Variants in ECSCR observed in about 807,000 individuals in gnomAD.
The protein encoded by ECSCR is endothelial cell surface expressed chemotaxis and apoptosis regulator.
In ECSCR, 12 loss-of-function variants were observed where a neutral mutation model predicts 16.7. The observed-to-expected ratio is 0.72, with a 90% confidence interval of 0.46 to 1.17. The LOEUF is 1.17. ECSCR is among the 50% of genes most tolerant of loss of function. The pLI is 0.00. For synonymous variants in ECSCR, 44 were observed against 42.2 expected, an observed-to-expected ratio of 1.04 and a Z score of -0.17; for missense variants, 122 against 116.1, an observed-to-expected ratio of 1.05 and a Z score of -0.23.
At chr5:139,462,244 G>A (rs765232773) in intron 1 of ECSCR, among the ~76,000 whole-genome samples, 6 of 152,148 alleles carry the variant, frequency 3.9e-5, no homozygotes, top group Non-Finnish European at 8.8e-5. Context: ...GAGAGTGGCC[G>A]TCGTCAGCCC....
At chr5:139,460,488 A>T (rs999254886) in intron 1 of ECSCR, among the ~76,000 whole-genome samples, 2 of 152,140 alleles carry the variant, frequency 1.3e-5, no homozygotes, top group African/African-American at 2.4e-5. Flanking sequence ...GTGGGAAGGT[A>T]CAGGGAAGGC....
chr5:139,449,003 C>T, intron 9 of ECSCR, 75 bp downstream of exon 9: 1 of 1,533,544 alleles, frequency 6.5e-7, no homozygotes, highest in Non-Finnish European at 8.7e-7. Context: ...AAAGTATCTC[C>T]TTTCTGGCCT....
intron 1 of ECSCR, 101 bp downstream of exon 1, chr5:139,462,509 C>A: frequency 2.4e-6 from 3 of 1,230,884 alleles, no homozygotes; most frequent in Non-Finnish European, 3.5e-6. Flanking sequence ...CTGGGCACAG[C>A]CCCTGGATGG....
rs561018838 is a variant in ECSCR, at chr5:139,448,630, C to T, written c.*270G>A. 8.7e-5 allele frequency: 83 copies of T among 952,304 alleles called. No homozygotes were observed. The highest frequency in any genetic ancestry group is 1.6e-5 in the Non-Finnish European group (11 of 690,740). 59.0% of individuals were successfully genotyped at this position (952,304 alleles called of 1,614,324 possible). On this transcript the variant is annotated 3_prime_UTR_variant, in exon 10 of 10. Coordinates refer to ENST00000618155, the MANE Select transcript of ECSCR (RefSeq NM_001077693.4). ...CACCTCATCACTTTCCTTGCTCTCT[C>T]TCTGTCACCTCCTCTTTCCTGTGGC...
intron 9 of ECSCR, 78 bp downstream of exon 9, chr5:139,449,000 C>T (rs1180125961): frequency 6.5e-7 from 1 of 1,533,462 alleles, no homozygotes; most frequent in East Asian, 2.4e-5. Flanking sequence ...TTGAAAGTAT[C>T]TCCTTTCTGG....
At chr5:139,455,840 AAG>A (rs1397702466) in intron 5 of ECSCR, among the ~76,000 whole-genome samples, 4 of 150,130 alleles carry the variant, frequency 2.7e-5, no homozygotes, top group African/African-American at 9.8e-5. Context: ...AAAAAAAAAA[AAG>A]ACCGGGCACG....
rs1016966896 is a variant in ECSCR, at chr5:139,458,813, T to G, written c.62-630A>C. On this transcript the variant is annotated intron_variant, in intron 1 of 9. Coordinates refer to ENST00000618155, the MANE Select transcript of ECSCR (RefSeq NM_001077693.4). ...GTGAGCTGAGATCATGCCATTGCAC[T>G]CCAGCCTGGGAGACAAAGTGAGACT... Among the ~76,000 whole-genome samples the G allele has an allele frequency of 7.5e-5, 11 of 146,250 alleles. No individual in the cohort carries two copies. In the South Asian group the frequency reaches 2.4e-3, roughly 31 times the overall value.
intron 1 of ECSCR, 60 bp from the exon 2 acceptor site, chr5:139,458,243 AAGG>A: frequency 6.7e-7 from 1 of 1,503,704 alleles, no homozygotes; most frequent in Non-Finnish European, 9.0e-7. Flanking sequence ...AGAGCCTAGA[AAGG>A]AACCCTTAGA....
intron 8 of ECSCR, 65 bp from the exon 9 acceptor site, chr5:139,449,239 C>T (rs1033629494): frequency 8.2e-7 from 1 of 1,223,904 alleles, no homozygotes; most frequent in Admixed American, 2.0e-5. Flanking sequence ...AGTCAAGGAA[C>T]TGTGAGGTTG....
chr5:139,457,886 T>C, intron 2 of ECSCR, 79 bp from the exon 3 acceptor site: 1 of 1,472,758 alleles, frequency 6.8e-7, no homozygotes, highest in African/African-American at 1.4e-5. Context: ...TAGATCTGTG[T>C]GTCTTTCTCC....
At position 139,457,576 on chromosome 5, in the gene ECSCR, C is replaced by G; in HGVS notation, c.186G>C (p.Arg62Ser). The G allele has an allele frequency of 1.2e-6, 1 of 807,686 alleles. No homozygotes were observed. Among genetic ancestry groups the G allele is most frequent in the Non-Finnish European group, 2.3e-6 (1 of 442,664 alleles). The allele number at this position is 807,686 out of a possible 1,614,324, so 50.0% of individuals were successfully genotyped here. A position where few individuals can be genotyped will look rare whatever the true frequency, so the allele number is the denominator to read the frequency against. ...PGYIPSSEAN[R>S]PSHLSSTGTP... ...TACCAGTGCTGGACAGATGGCTTGG[C>G]CTGTTAGCCTCTGAGGAAGGGATGT... The change falls in exon 4 of 10, where the codon AGG becomes AGC. Residue 62 changes from arginine to serine, a missense_variant. By Grantham distance (110) the Arg-to-Ser change is moderately radical. Coordinates refer to ENST00000618155, the MANE Select transcript of ECSCR (RefSeq NM_001077693.4).
rs561195288 is a variant in ECSCR, at chr5:139,449,882, C to T, written c.513-708G>A. Among the ~76,000 whole-genome samples the T allele has an allele frequency of 9.2e-5, 14 of 151,618 alleles. No homozygotes were observed. The South Asian group carries it at 2.1e-3, about 23-fold the overall frequency. ...GATTACAGGTGTGAGCCATCGCATC[C>T]GCTAAAGCCTCAATTTTTTTTTTTT... On this transcript the variant is annotated intron_variant, in intron 8 of 9. Coordinates refer to ENST00000618155, the MANE Select transcript of ECSCR (RefSeq NM_001077693.4).
At chr5:139,458,039 C>G in intron 2 of ECSCR, 100 bp downstream of exon 2, 1 of 1,359,594 alleles carries the variant, frequency 7.4e-7, no homozygotes, top group South Asian at 1.3e-5. Flanking sequence ...GCTGCGGCCC[C>G]AGCCCCCTGA....
chr5:139,459,166 A>G (rs570180643), intron 1 of ECSCR, among the ~76,000 whole-genome samples: 2 of 152,338 alleles, frequency 1.3e-5, no homozygotes, highest in Admixed American at 1.3e-4. Context: ...GGAAGGGCCC[A>G]GGACTCCAGG....
In ECSCR at chr5:139,448,911, G is replaced by T; in HGVS notation, c.610-3C>A. The T allele has an allele frequency of 6.5e-7, 1 of 1,537,216 alleles. No homozygotes were observed. Among genetic ancestry groups the T allele is most frequent in the South Asian group, 1.2e-5 (1 of 84,056 alleles). ...ACCCAAAGTTGCTTTTAAAGAACCT[G>T]CAAAATAAATGCATAATGGGGAAGG... On this transcript the variant is annotated splice_polypyrimidine_tract_variant and splice_region_variant and intron_variant, in intron 9 of 9. Coordinates refer to ENST00000618155, the MANE Select transcript of ECSCR (RefSeq NM_001077693.4).
In ECSCR at chr5:139,455,439, A is replaced by G; in HGVS notation, c.263-3T>C. The stretch of plus-strand genomic sequence containing the variant: ...GGGGGGAACAGTTTGAAATGTGTCT[A>G]AAATGGAGTGGAGTCAGGGGCATCA... On this transcript the variant is annotated splice_region_variant and splice_polypyrimidine_tract_variant and intron_variant, in intron 5 of 9. Transcript: ENST00000618155. 2 of 398,420 alleles carry G rather than the reference A, an allele frequency of 5.0e-6. No homozygotes were observed. Among genetic ancestry groups the G allele is most frequent in the Non-Finnish European group, 4.4e-6 (1 of 225,976 alleles). 24.7% of individuals were successfully genotyped at this position (398,420 alleles called of 1,614,324 possible). A position where few individuals can be genotyped will look rare whatever the true frequency, so the allele number is the denominator to read the frequency against.
At chr5:139,458,770 C>T (rs1179238608) in intron 1 of ECSCR, among the ~76,000 whole-genome samples, 19 of 148,646 alleles carry the variant, frequency 1.3e-4, no homozygotes, top group Admixed American at 6.1e-4. Flanking sequence ...CGCTTGAACC[C>T]GGGAGGTAGA....
chr5:139,451,143 GTGT>G (rs1014023662), intron 8 of ECSCR, among the ~76,000 whole-genome samples: 11 of 150,336 alleles, frequency 7.3e-5, no homozygotes, highest in African/African-American at 2.7e-4. Flanking sequence ...GTGGTGTGAG[GTGT>G]TGTGTGTGTG....
Position 139,458,500 on chromosome 5 carries a change from C to CAAAAAAAAA in ECSCR, c.62-326_62-318dup, listed in dbSNP as rs397882364. 3.3e-3 allele frequency among the ~76,000 whole-genome samples: 282 copies of CAAAAAAAAA among 85,360 alleles called. 1 individual carries two copies. Among genetic ancestry groups the CAAAAAAAAA allele is most frequent in the Non-Finnish European group, 3.7e-3 (190 of 51,320 alleles). The allele number at this position is 85,360 out of a possible 152,430, so 56.0% of individuals were successfully genotyped here. On this transcript the variant is annotated intron_variant, in intron 1 of 9. Coordinates refer to ENST00000618155, the MANE Select transcript of ECSCR (RefSeq NM_001077693.4). Reference sequence around the variant, plus strand: ...GCAACAGGTGGAGACCCTATCTCAACAAAAAAAAAAAAAAAAAAAAAAAAA... The same window carrying CAAAAAAAAA: ...GCAACAGGTGGAGACCCTATCTCAACAAAAAAAAAAAAAAAAAAAAAAAAAAAAAAAAAA...
Sources: gnomAD v4.1 joint callset for allele counts (sites outside exome capture counted in the v4.1 genomes callset) on GRCh38, gnomAD v4.1.1 for gene constraint, MANE v1.5 for transcripts, NCBI Gene and HGNC (gene_info 2026-07-23, HGNC 2026-07-21) for gene names.